The following TDRD3 variants were observed in gnomAD, a reference collection of about 807,000 sequenced individuals.
The protein encoded by TDRD3 is tudor domain containing 3.
TDRD3 carries 45 observed loss-of-function variants against 86.7 expected under a neutral mutation model. The ratio of observed to expected loss-of-function variants is 0.52; its 90% CI spans 0.41 to 0.67. The LOEUF is 0.67. TDRD3 is among the 30% of genes least tolerant of loss of function. The pLI is 0.00. For missense variants in TDRD3, 814 were observed against 889.0 expected (o/e 0.92, Z 1.07); for synonymous variants, 298 against 301.7 (o/e 0.99, Z 0.13).
chr13:60,397,648 G>T (rs1953964411), intron 1 of TDRD3, among the ~76,000 whole-genome samples: 1 of 146,156 alleles, frequency 6.8e-6, no homozygotes, highest in African/African-American at 2.4e-5. Flanking sequence ...CCTGGGCCCC[G>T]GGCGGCGGGC....
chr13:60,481,824 T>C (rs1334778872), intron 5 of TDRD3, among the ~76,000 whole-genome samples: 1 of 152,202 alleles, frequency 6.6e-6, no homozygotes, highest in Admixed American at 6.5e-5. Context: ...ATGTTGGTAG[T>C]TGTTGAGAGC....
rs767363831 is a variant in TDRD3, at chr13:60,483,824, C to T, written c.545C>T (p.Pro182Leu). ...RSNIGTEGGP[P>L]PFVPFGQKCV... ...AATATTGGAACTGAAGGTGGACCAC[C>T]GCCTTTTGTGCCTTTTGGACAGGTA... The change falls in exon 6 of 14, where the codon CCG becomes CTG. Residue 182 changes from proline to leucine, a missense_variant. Pro to Leu is a moderately conservative substitution (Grantham distance 98). Transcript: ENST00000377881. 50 of 1,613,054 alleles carry T rather than the reference C, an allele frequency of 3.1e-5. No homozygotes were observed. In the East Asian group the frequency reaches 6.2e-4, roughly 20 times the overall value.
chr13:60,563,177 A>G (rs9538746), intron 12 of TDRD3, among the ~76,000 whole-genome samples: 68,192 of 150,456 alleles, frequency 0.45, 15,794 homozygotes, highest in South Asian at 0.54. Flanking sequence ...GCCTTGAGCC[A>G]AGATTGCACC....
chr13:60,537,580 T>C (rs1234575775), intron 12 of TDRD3: 1 of 151,958 alleles, frequency 6.6e-6, no homozygotes, highest in African/African-American at 2.4e-5. Flanking sequence ...GTCAAAAATG[T>C]ACAAAATTAT....
At chr13:60,494,817 T>C (rs2137563122) in intron 8 of TDRD3, among the ~76,000 whole-genome samples, 1 of 152,322 alleles carries the variant, frequency 6.6e-6, no homozygotes, top group South Asian at 2.1e-4. Context: ...TTGGAATGGA[T>C]TGATAAAAAG....
At chr13:60,459,000 C>T (rs1955741761) in intron 3 of TDRD3, among the ~76,000 whole-genome samples, 2 of 152,092 alleles carry the variant, frequency 1.3e-5, no homozygotes, top group African/African-American at 2.4e-5. Context: ...TTAACAGTTT[C>T]GGACTTGCTT....
chr13:60,534,856 A>G (rs1475175499), intron 11 of TDRD3, among the ~76,000 whole-genome samples: 1 of 141,282 alleles, frequency 7.1e-6, no homozygotes, highest in African/African-American at 2.6e-5. Context: ...TGGGCTGGGG[A>G]GGCGGAGGTT....
At chr13:60,483,525 C>T (rs926447055) in intron 5 of TDRD3, among the ~76,000 whole-genome samples, 1 of 152,014 alleles carries the variant, frequency 6.6e-6, no homozygotes, top group African/African-American at 2.4e-5. Context: ...GGGGAATGGC[C>T]TGATAAATAT....
chr13:60,556,799 A>G (rs1344316667), intron 12 of TDRD3, among the ~76,000 whole-genome samples: 1 of 152,246 alleles, frequency 6.6e-6, no homozygotes, highest in African/African-American at 2.4e-5. Flanking sequence ...GATTCTGGAA[A>G]TAATGGTATT....
rs745688130 is a variant in TDRD3, at chr13:60,445,368, G to A, written c.192+620G>A. ...CCTTCCTTTGTAAATAATTATATAC[G>A]TGAAGACATAAATGTCAGTGCCACA... On this transcript the variant is annotated intron_variant, in intron 3 of 13. Transcript: ENST00000377881. Among the ~76,000 whole-genome samples, 8 of 152,294 alleles carry A rather than the reference G, an allele frequency of 5.3e-5. No individual in the cohort carries two copies. In the South Asian group the frequency reaches 8.3e-4, roughly 16 times the overall value.
intron 10 of TDRD3, among the ~76,000 whole-genome samples, chr13:60,526,616 G>GT (rs76831708): frequency 0.014 from 1,805 of 132,158 alleles, 17 homozygotes; most frequent in African/African-American, 0.02. Flanking sequence ...TTGGGGGAAA[G>GT]TTTTTTTTTT....
At chr13:60,507,039 A>T (rs910282673) in intron 8 of TDRD3, among the ~76,000 whole-genome samples, 1 of 152,182 alleles carries the variant, frequency 6.6e-6, no homozygotes, top group African/African-American at 2.4e-5. Flanking sequence ...AGCAAAAAAA[A>T]TGCAGGGGTT....
chr13:60,397,870 T>C (rs1448384858), intron 1 of TDRD3, among the ~76,000 whole-genome samples: 1 of 152,070 alleles, frequency 6.6e-6, no homozygotes, highest in Non-Finnish European at 1.5e-5. Flanking sequence ...CATAGGAAGT[T>C]GAGGGCAGAG....
At chr13:60,424,254 C>CTCGTGATCCACCCACCTCTCTTGACT (rs1954739804) in intron 1 of TDRD3, among the ~76,000 whole-genome samples, 1 of 152,064 alleles carries the variant, frequency 6.6e-6, no homozygotes, top group Non-Finnish European at 1.5e-5. Flanking sequence ...ATCTCCTGAC[C>CTCGTGATCCACCCACCTCTCTTGACT]TCGTGATCCA....
intron 10 of TDRD3, among the ~76,000 whole-genome samples, chr13:60,522,881 G>GT (rs540652971): frequency 1.2e-4 from 18 of 151,922 alleles, no homozygotes; most frequent in Non-Finnish European, 2.4e-4. Flanking sequence ...GTTACATTCT[G>GT]TTTTTTTTCC....
At chr13:60,526,521 A>G (rs563556244) in intron 10 of TDRD3, among the ~76,000 whole-genome samples, 1 of 151,888 alleles carries the variant, frequency 6.6e-6, no homozygotes, top group African/African-American at 2.4e-5. Context: ...AAAAGTGACC[A>G]TTTTTCTTCT....
intron 7 of TDRD3, among the ~76,000 whole-genome samples, chr13:60,493,154 G>A (rs1300925788): frequency 6.6e-6 from 1 of 151,390 alleles, no homozygotes; most frequent in African/African-American, 2.4e-5. Flanking sequence ...TCCTGACCTC[G>A]TGATCCACCC....
At chr13:60,566,441 T>C (rs1958461811) in intron 12 of TDRD3, among the ~76,000 whole-genome samples, 1 of 152,102 alleles carries the variant, frequency 6.6e-6, no homozygotes, top group Non-Finnish European at 1.5e-5. Flanking sequence ...AACTCAGTCT[T>C]CTTATTTACT....
rs529828217 is a variant in TDRD3 at position 60,571,031 on chromosome 13, C to T, written c.*10-2585C>T. Among the ~76,000 whole-genome samples the T allele has an allele frequency of 3.2e-4, 48 of 152,106 alleles. No individual in the cohort carries two copies. In the East Asian group the frequency reaches 8.3e-3, roughly 26 times the overall value. ...AAAACTTCCATCGACAAAATGCTTG[C>T]TTTGGATTGTACTGTTAACAGGAAA... On this transcript the variant is annotated intron_variant, in intron 13 of 13. Transcript: ENST00000377881.
Sources: gnomAD v4.1 joint callset for allele counts (sites outside exome capture counted in the v4.1 genomes callset) on GRCh38, gnomAD v4.1.1 for gene constraint, MANE v1.5 for transcripts, NCBI Gene and HGNC (gene_info 2026-07-23, HGNC 2026-07-21) for gene names.